Variants in ARFGEF2 observed in about 807,000 individuals in gnomAD.
ARFGEF2 encodes the protein brefeldin A-inhibited guanine nucleotide-exchange protein 2.
A neutral mutation model predicts 219.9 loss-of-function variants in ARFGEF2; 74 were observed. That is an observed-to-expected ratio of 0.34 (90% CI 0.28 to 0.41). The LOEUF is 0.41. ARFGEF2 is among the 10% of genes least tolerant of loss of function. The pLI is 1.00. For synonymous variants in ARFGEF2, 733 were observed against 799.2 expected (o/e 0.92, Z 1.40); for missense variants, 1,743 against 2,218.3 (o/e 0.79, Z 4.30).
intron 20 of ARFGEF2, 79 bp downstream of exon 20, chr20:48,989,763 G>C: frequency 1.9e-6 from 3 of 1,596,934 alleles, no homozygotes; most frequent in Non-Finnish European, 2.6e-6. Context: ...GAAATTATCA[G>C]AAATTTTCAG....
chr20:48,951,177 CAG>C, intron 3 of ARFGEF2, 144 bp from the exon 4 acceptor site: 1 of 927,634 alleles, frequency 1.1e-6, no homozygotes, highest in South Asian at 1.4e-5. Context: ...GTTGCAGTCA[CAG>C]AGTGGTTATG....
chr20:48,989,816 C>A, intron 20 of ARFGEF2, 132 bp downstream of exon 20: 1 of 1,353,640 alleles, frequency 7.4e-7, no homozygotes, highest in Non-Finnish European at 1.0e-6. Context: ...TGCCTACTGA[C>A]AAGAAATCCG....
At chr20:48,952,148 C>CTTTTTTTTTTTT (rs11475141) in intron 4 of ARFGEF2, among the ~76,000 whole-genome samples, 4 of 55,448 alleles carry the variant, frequency 7.2e-5, no homozygotes, top group Non-Finnish European at 1.2e-4. Flanking sequence ...GAAGTTTGGC[C>CTTTTTTTTTTTT]TTTTTTTTTT....
At chr20:48,942,078 C>T in intron 3 of ARFGEF2, 91 bp downstream of exon 3, 1 of 1,530,820 alleles carries the variant, frequency 6.5e-7, no homozygotes, top group Non-Finnish European at 9.0e-7. Flanking sequence ...CACGCTGGCA[C>T]TCAGTGCTGT....
chr20:48,975,951 C>G lies in ARFGEF2; in HGVS notation c.1775-65C>G, dbSNP rs569637001. On this transcript the variant is annotated intron_variant, in intron 13 of 38. Coordinates refer to ENST00000371917, the MANE Select transcript of ARFGEF2 (RefSeq NM_006420.3). ...TGGGAAAGGGAGCCGTGCAGCCAGACCTAGCTCGGCTGTGTCTGTGTCCCA... is the reference window on the plus strand; with the variant it reads ...TGGGAAAGGGAGCCGTGCAGCCAGAGCTAGCTCGGCTGTGTCTGTGTCCCA... 18 of 1,558,210 alleles carry G rather than the reference C, an allele frequency of 1.2e-5. No individual in the cohort carries two copies. The East Asian group carries it at 3.1e-4, about 27-fold the overall frequency.
chr20:49,018,265 G>A (rs1425442453), intron 33 of ARFGEF2, among the ~76,000 whole-genome samples: 2 of 151,810 alleles, frequency 1.3e-5, no homozygotes, highest in African/African-American at 2.4e-5. Flanking sequence ...ACAGAGTCTC[G>A]CTCTGTCCCC....
At chr20:48,929,707 C>T (rs2090901665) in intron 1 of ARFGEF2, among the ~76,000 whole-genome samples, 1 of 152,168 alleles carries the variant, frequency 6.6e-6, no homozygotes, top group South Asian at 2.1e-4. Context: ...GGAGGCATTT[C>T]AGCAGAGGGA....
intron 3 of ARFGEF2, among the ~76,000 whole-genome samples, chr20:48,943,781 A>G (rs201302797): frequency 7.5e-4 from 114 of 152,362 alleles, no homozygotes; most frequent in Non-Finnish European, 1.2e-3. Context: ...CACATCAATG[A>G]ATAAAGTTTA....
chr20:49,021,521 C>T (rs2091564721), intron 34 of ARFGEF2, among the ~76,000 whole-genome samples: 1 of 152,096 alleles, frequency 6.6e-6, no homozygotes, highest in Non-Finnish European at 1.5e-5. Context: ...GCAGAAACCA[C>T]ACCGCTAATT....
intron 34 of ARFGEF2, among the ~76,000 whole-genome samples, chr20:49,022,154 CAAAAAAAAAAA>C (rs58870256): frequency 1.4e-5 from 1 of 70,210 alleles, no homozygotes; most frequent in Non-Finnish European, 2.9e-5. Flanking sequence ...GACTCCGTCT[CAAAAAAAAAAA>C]AAAAAAAAAA....
chr20:48,950,805 A>ATATATATATAT (rs1308187494), intron 3 of ARFGEF2, among the ~76,000 whole-genome samples: 2 of 40,224 alleles, frequency 5.0e-5, no homozygotes, highest in Non-Finnish European at 9.8e-5. Context: ...AAAAAAAAAA[A>ATATATATATAT]AAAAAAATAT....
chr20:48,986,724 G>A (rs2123455816), intron 16 of ARFGEF2, among the ~76,000 whole-genome samples: 1 of 152,152 alleles, frequency 6.6e-6, no homozygotes, highest in South Asian at 2.1e-4. Context: ...TTTTGAGACA[G>A]GGTCTTGCTC....
intron 8 of ARFGEF2, 29 bp from the exon 9 acceptor site, chr20:48,969,106 GGGTGCCACCACA>G: frequency 6.2e-7 from 1 of 1,604,988 alleles, no homozygotes; most frequent in Non-Finnish European, 8.5e-7. Flanking sequence ...GACTACAGGT[GGGTGCCACCACA>G]CCCAGCTGAT....
intron 23 of ARFGEF2, among the ~76,000 whole-genome samples, chr20:48,997,417 C>G (rs2091398839): frequency 6.6e-6 from 1 of 152,094 alleles, no homozygotes; most frequent in Non-Finnish European, 1.5e-5. Context: ...GGACTACAGG[C>G]ATGCACCACC....
At chr20:48,998,732 C>T (rs942970439) in intron 25 of ARFGEF2, among the ~76,000 whole-genome samples, 1 of 152,188 alleles carries the variant, frequency 6.6e-6, no homozygotes, top group East Asian at 1.9e-4. Context: ...ACTTTAATAT[C>T]CCACATGCAG....
chr20:48,945,238 C>G (rs539681011), intron 3 of ARFGEF2, among the ~76,000 whole-genome samples: 1 of 152,288 alleles, frequency 6.6e-6, no homozygotes, highest in East Asian at 1.9e-4. Context: ...CACAAACTTT[C>G]AGTCTGTAGC....
intron 21 of ARFGEF2, among the ~76,000 whole-genome samples, chr20:48,992,017 G>A (rs2091360283): frequency 2.0e-5 from 3 of 152,180 alleles, no homozygotes; most frequent in Non-Finnish European, 1.5e-5. Flanking sequence ...TTCTAGGTGT[G>A]ACAGACCTGC....
intron 14 of ARFGEF2, 122 bp downstream of exon 14, chr20:48,976,321 C>A: frequency 8.0e-7 from 1 of 1,248,018 alleles, no homozygotes; most frequent in Non-Finnish European, 1.1e-6. Context: ...GCACTTGTAG[C>A]TAAGCCTGAT....
At position 48,972,404 on chromosome 20, in the gene ARFGEF2, A is replaced by G; in HGVS notation, c.1504A>G (p.Thr502Ala). The G allele has an allele frequency of 6.2e-7, 1 of 1,613,824 alleles. No individual in the cohort carries two copies. Among genetic ancestry groups the G allele is most frequent in the Non-Finnish European group, 8.5e-7 (1 of 1,179,786 alleles). ...TGAGCACAGGTGGATGGTCATTCAG[A>G]CTCTGACGAGGATCTGTGCAGGTAT... ...SFEHRWMVIQTLTRICADAQC... is the reference protein window; with the variant it reads ...SFEHRWMVIQALTRICADAQC... The change falls in exon 11 of 39, where the codon ACT becomes GCT. Residue 502 changes from threonine to alanine, a missense_variant. Coordinates refer to ENST00000371917, the MANE Select transcript of ARFGEF2 (RefSeq NM_006420.3).
Sources: allele counts gnomAD v4.1 joint callset (sites outside exome capture counted in the v4.1 genomes callset), GRCh38; gene constraint gnomAD v4.1.1; transcripts MANE v1.5; gene names NCBI Gene and HGNC (gene_info 2026-07-23, HGNC 2026-07-21).